The following SNTG2 variants were observed in gnomAD, a reference collection of about 807,000 sequenced individuals.
The protein encoded by SNTG2 is gamma-2-syntrophin.
Under a neutral mutation model 70.9 loss-of-function variants are expected in SNTG2, and 74 were observed. That is an observed-to-expected ratio of 1.04 (90% CI 0.86 to 1.27). SNTG2 has a LOEUF of 1.27. Among genes scored for constraint, SNTG2 ranks in the 50% most tolerant of loss-of-function variants. The pLI, the probability that SNTG2 is intolerant of heterozygous loss-of-function variation, is 0.00. For synonymous variants in SNTG2, 278 were observed against 273.8 expected (o/e 1.02, Z -0.15); for missense variants, 717 against 690.7 (o/e 1.04, Z -0.43).
chr2:1,166,996 A>G (rs1459545675), intron 7 of SNTG2, among the ~76,000 whole-genome samples: 2 of 152,220 alleles, frequency 1.3e-5, no homozygotes, highest in Admixed American at 6.5e-5. Context: ...CCAACACTCC[A>G]TAAAACCTTG....
chr2:1,022,910 A>G (rs1572238513), intron 1 of SNTG2, among the ~76,000 whole-genome samples: 1 of 152,206 alleles, frequency 6.6e-6, no homozygotes, highest in South Asian at 2.1e-4. Context: ...TCGTCTGGAG[A>G]GTTAAGATTT....
chr2:1,247,541 A>G (rs991044313), intron 12 of SNTG2, 98 bp downstream of exon 12: 4 of 836,594 alleles, frequency 4.8e-6, no homozygotes, highest in East Asian at 2.6e-5. Context: ...GAGGACAGAC[A>G]GAGTGCTTGG....
chr2:1,143,425 T>C (rs4971385), intron 6 of SNTG2, among the ~76,000 whole-genome samples: 88,658 of 151,862 alleles, frequency 0.58, 26,525 homozygotes, highest in East Asian at 0.83. Flanking sequence ...TCTGCCCTTA[T>C]CCAACACTAA....
chr2:984,679 A>C (rs1232564680), intron 1 of SNTG2, among the ~76,000 whole-genome samples: 1 of 152,100 alleles, frequency 6.6e-6, no homozygotes, highest in Non-Finnish European at 1.5e-5. Context: ...TGCCATCATC[A>C]GCGGCCTCCA....
intron 16 of SNTG2, among the ~76,000 whole-genome samples, 157 bp downstream of exon 16, chr2:1,316,532 C>A (rs74994128): frequency 0.52 from 78,479 of 151,178 alleles, 20,469 homozygotes; most frequent in Middle Eastern, 0.68. Context: ...GCAATAAATA[C>A]GCCGAAAGAG....
At chr2:1,222,109 C>CTGTTTCTCTCTG (rs760978420) in intron 9 of SNTG2, among the ~76,000 whole-genome samples, 1 of 44,530 alleles carries the variant, frequency 2.2e-5, no homozygotes, top group Admixed American at 2.3e-4. Flanking sequence ...CTCTCTGTCT[C>CTGTTTCTCTCTG]TCTCTGTCTC....
intron 1 of SNTG2, among the ~76,000 whole-genome samples, chr2:988,075 G>C (rs978002424): frequency 3.9e-5 from 6 of 152,216 alleles, no homozygotes; most frequent in African/African-American, 1.4e-4. Flanking sequence ...CCTTTGGCAG[G>C]ACGCAGTCAC....
intron 1 of SNTG2, among the ~76,000 whole-genome samples, chr2:1,066,294 T>C (rs746540314): frequency 7.9e-5 from 12 of 152,202 alleles, no homozygotes; most frequent in Non-Finnish European, 1.5e-4. Context: ...CAGGTGAATA[T>C]GACAAATGAG....
chr2:1,290,338 G>T (rs1423112866), intron 14 of SNTG2, among the ~76,000 whole-genome samples: 74 of 145,706 alleles, frequency 5.1e-4, no homozygotes, highest in Non-Finnish European at 1.7e-4. Context: ...TTTTTGAGAT[G>T]AACTTTCACT....
In SNTG2 at chr2:1,050,481, G is replaced by A. The variant is rs73908671; in HGVS notation, c.73-33037G>A. Reference sequence around the variant, plus strand: ...ATCACAAATGTGGAGTTGCATATGTGGATTTTTTTTTTGACTTTGTATTCT... The same window carrying A: ...ATCACAAATGTGGAGTTGCATATGTAGATTTTTTTTTTGACTTTGTATTCT... On this transcript the variant is annotated intron_variant, in intron 1 of 16. Coordinates refer to ENST00000308624, the MANE Select transcript of SNTG2 (RefSeq NM_018968.4). 5.8e-3 allele frequency among the ~76,000 whole-genome samples: 855 copies of A among 147,022 alleles called. 7 individuals carry two copies. Among genetic ancestry groups the A allele is most frequent in the African/African-American group, 0.022 (822 of 38,058 alleles).
chr2:1,163,487 G>A (rs1670480376), intron 6 of SNTG2: 1 of 151,814 alleles, frequency 6.6e-6, no homozygotes, highest in Non-Finnish European at 1.5e-5. Flanking sequence ...CCAACAGGAA[G>A]TGGGCATGTG....
chr2:1,115,867 AC>A (rs1666931900), intron 4 of SNTG2, among the ~76,000 whole-genome samples: 2 of 152,236 alleles, frequency 1.3e-5, no homozygotes, highest in South Asian at 4.1e-4. Flanking sequence ...TTTTAAAAGA[AC>A]AGGATTTTGG....
At chr2:1,276,479 G>A (rs1339971834) in intron 14 of SNTG2, among the ~76,000 whole-genome samples, 2 of 152,246 alleles carry the variant, frequency 1.3e-5, no homozygotes, top group African/African-American at 4.8e-5. Context: ...CTGGATGACA[G>A]CACATCTGTT....
At chr2:1,357,858 C>T (rs1242585355) in intron 16 of SNTG2, among the ~76,000 whole-genome samples, 6 of 150,908 alleles carry the variant, frequency 4.0e-5, no homozygotes, top group Non-Finnish European at 7.4e-5. Flanking sequence ...TCATTTATGT[C>T]TTCTCTCATT....
intron 1 of SNTG2, among the ~76,000 whole-genome samples, chr2:1,045,022 C>T (rs1661651230): frequency 6.7e-6 from 1 of 149,792 alleles, no homozygotes. Flanking sequence ...AGTGCTTTTT[C>T]TGGTCAGTTT....
At chr2:1,348,218 G>C (rs1558223154) in intron 16 of SNTG2, among the ~76,000 whole-genome samples, 1 of 152,118 alleles carries the variant, frequency 6.6e-6, no homozygotes, top group Non-Finnish European at 1.5e-5. Flanking sequence ...CGGATAATTT[G>C]TAAACCAAAA....
rs1361596571 is a variant in SNTG2, at chr2:1,350,670, G to A, written c.1489-16673G>A. Among the ~76,000 whole-genome samples the A allele has an allele frequency of 4.6e-5, 7 of 152,110 alleles. No individual in the cohort carries two copies. The East Asian group carries it at 1.2e-3, about 25-fold the overall frequency. On this transcript the variant is annotated intron_variant, in intron 16 of 16. Coordinates refer to ENST00000308624, the MANE Select transcript of SNTG2 (RefSeq NM_018968.4). ...CATGATGAATGTTGACGATGGAAAG[G>A]GAACAGTGATTGTAAGAAGTCTATT...
At chr2:1,293,054 C>A (rs1680052213) in intron 14 of SNTG2, among the ~76,000 whole-genome samples, 2 of 151,684 alleles carry the variant, frequency 1.3e-5, no homozygotes. Context: ...TTTTCTATTT[C>A]TTCTTGATTT....
At chr2:1,309,046 G>GT (rs1169233405) in intron 15 of SNTG2, among the ~76,000 whole-genome samples, 1 of 152,124 alleles carries the variant, frequency 6.6e-6, no homozygotes, top group Non-Finnish European at 1.5e-5. Flanking sequence ...TCCTAACTAC[G>GT]TAAGTGTTAA....
Sources: gnomAD v4.1 joint callset for allele counts (sites outside exome capture counted in the v4.1 genomes callset) on GRCh38, gnomAD v4.1.1 for gene constraint, MANE v1.5 for transcripts, NCBI Gene and HGNC (gene_info 2026-07-23, HGNC 2026-07-21) for gene names.